NCAPD2: variants seen among roughly 807,000 people sequenced by gnomAD.
The protein encoded by NCAPD2 is non-SMC condensin I complex subunit D2, also known as condensin complex subunit 1.
In NCAPD2, 100 loss-of-function variants were observed where a neutral mutation model predicts 164.5. The ratio of observed to expected loss-of-function variants is 0.61; its 90% confidence interval spans 0.52 to 0.72. The LOEUF (loss-of-function observed/expected upper bound fraction) is 0.72. Ranked by LOEUF, NCAPD2 falls within the 30% of genes least tolerant of loss-of-function variation. NCAPD2 has a pLI of 0.00. For synonymous variants in NCAPD2, 585 were observed against 642.6 expected (o/e 0.91, Z 1.36); for missense variants, 1,560 against 1,749.2 (o/e 0.89, Z 1.93).
At position 6,525,734 on chromosome 12, in the gene NCAPD2, C is replaced by T. The variant is rs1436116697; in HGVS notation, c.2348+18C>T. 1 of 1,611,334 alleles carries T rather than the reference C, an allele frequency of 6.2e-7. No homozygotes were observed. Among genetic ancestry groups the T allele is most frequent in the Admixed American group, 1.7e-5 (1 of 59,888 alleles). ...ATGGCACGGTGAGGCTCAAATCTAGCAGGCAATGGGGTGGGAGAGCAAAGG... is the reference window on the plus strand; with the variant it reads ...ATGGCACGGTGAGGCTCAAATCTAGTAGGCAATGGGGTGGGAGAGCAAAGG... On this transcript the variant is annotated intron_variant, in intron 18 of 31. Transcript: ENST00000315579.
Position 6,510,843 on chromosome 12 carries a change from G to T in NCAPD2, c.444+33G>T, listed in dbSNP as rs987554204. 6 of 1,599,944 alleles carry T rather than the reference G, an allele frequency of 3.8e-6. No individual in the cohort carries two copies. In the African/African-American group the frequency reaches 5.4e-5, roughly 14 times the overall value. On this transcript the variant is annotated intron_variant, in intron 5 of 31. Transcript: ENST00000315579. ...GGAGTTTTGGGCTCACGTTATATGG[G>T]GTCTGGGGAGATAGGGGAATAGATG... is the stretch of plus-strand genomic sequence containing the variant.
At chr12:6,517,099 A>C in intron 10 of NCAPD2, 74 bp downstream of exon 10, 1 of 1,521,508 alleles carries the variant, frequency 6.6e-7, no homozygotes, top group South Asian at 1.1e-5. Context: ...CCAGTGTTGA[A>C]GATAAATATC....
chr12:6,527,909 C>T lies in NCAPD2; in HGVS notation c.3019+21C>T, dbSNP rs745325054. The T allele has an allele frequency of 1.9e-6, 3 of 1,614,012 alleles. 1 individual carries two copies. The highest frequency in any genetic ancestry group is 1.6e-4 in the Middle Eastern group (1 of 6,062). ...GGATGGTAAGAAAAATGGCTGCACT[C>T]AGCAGTTTCTTCCCAATTAAGATAA... On this transcript the variant is annotated intron_variant, in intron 23 of 31. Coordinates refer to ENST00000315579, the MANE Select transcript of NCAPD2 (RefSeq NM_014865.4).
At chr12:6,509,344 C>T (rs1946124780) in intron 2 of NCAPD2, among the ~76,000 whole-genome samples, 1 of 152,158 alleles carries the variant, frequency 6.6e-6, no homozygotes, top group African/African-American at 2.4e-5. Flanking sequence ...TCACTGCAAC[C>T]TCCACCTCTT....
In NCAPD2 at chr12:6,528,576, TGGCAGAGC is replaced by T; in HGVS notation, c.3300-102_3300-95del. ...GACAGCTTTCTGACTGCTTCTGGAG[TGGCAGAGC>T]ATGGGATAATTGATTCCTGCTGAGG... On this transcript the variant is annotated intron_variant, in intron 25 of 31. Transcript: ENST00000315579. This position sits in a 1 kb window ranked among gnomAD's most constrained non-coding sequence, Gnocchi z 5.1. 7.4e-7 allele frequency: 1 copy of T among 1,343,254 alleles called. No individual in the cohort carries two copies. Among genetic ancestry groups the T allele is most frequent in the South Asian group, 1.3e-5 (1 of 75,812 alleles). The allele number at this position is 1,343,254 out of a possible 1,614,324, so 83.2% of individuals were successfully genotyped here.
At chr12:6,510,324 T>C in intron 4 of NCAPD2, 191 bp downstream of exon 4, 1 of 799,174 alleles carries the variant, frequency 1.3e-6, no homozygotes, top group Non-Finnish European at 2.2e-6. Flanking sequence ...GATACAGAGT[T>C]ATGTGTGTTC....
chr12:6,523,371 T>C, intron 17 of NCAPD2, 25 bp downstream of exon 17: 1 of 1,554,768 alleles, frequency 6.4e-7, no homozygotes, highest in Non-Finnish European at 8.8e-7. Context: ...TTTCTCTTTC[T>C]TTATTCATTC....
Position 6,496,059 on chromosome 12 carries a change from C to CTT in NCAPD2, c.127+849_127+850dup, listed in dbSNP as rs11423649. Among the ~76,000 whole-genome samples the CTT allele has an allele frequency of 1.9e-3, 265 of 136,568 alleles. 1 individual carries two copies. Among genetic ancestry groups the CTT allele is most frequent in the Middle Eastern group, 7.4e-3 (2 of 270 alleles). The allele number at this position is 136,568 out of a possible 152,430, so 89.6% of individuals were successfully genotyped here. ...TAGATTGCAACTTCTTTTTGTTTTT[C>CTT]TTTTTTTTTTTTTTTTGAGACAGGG... On this transcript the variant is annotated intron_variant, in intron 2 of 31. Coordinates refer to ENST00000315579, the MANE Select transcript of NCAPD2 (RefSeq NM_014865.4).
intron 2 of NCAPD2, among the ~76,000 whole-genome samples, chr12:6,495,685 GC>G (rs1466485749): frequency 6.6e-6 from 1 of 152,164 alleles, no homozygotes; most frequent in African/African-American, 2.4e-5. Flanking sequence ...TATGTACAGT[GC>G]AGTCACCTAC....
chr12:6,510,622 C>T lies in NCAPD2; in HGVS notation c.263-7C>T. ...TGAAACTGACTCCAAGATTCTGCCCCTCACAGTGGTATCCCGCCACTCCCA... is the reference window on the plus strand; with the variant it reads ...TGAAACTGACTCCAAGATTCTGCCCTTCACAGTGGTATCCCGCCACTCCCA... On this transcript the variant is annotated splice_region_variant and splice_polypyrimidine_tract_variant and intron_variant, in intron 4 of 31. Coordinates refer to ENST00000315579, the MANE Select transcript of NCAPD2 (RefSeq NM_014865.4). The T allele has an allele frequency of 6.2e-7, 1 of 1,614,076 alleles. No individual in the cohort carries two copies. Among genetic ancestry groups the T allele is most frequent in the Non-Finnish European group, 8.5e-7 (1 of 1,179,986 alleles).
chr12:6,525,541 A>C, intron 17 of NCAPD2, 42 bp from the exon 18 acceptor site: 1 of 1,576,074 alleles, frequency 6.3e-7, no homozygotes, highest in Non-Finnish European at 8.6e-7. Context: ...AGATCAAGGA[A>C]TTGTTCATTT....
chr12:6,502,268 A>G (rs1946045522), intron 2 of NCAPD2, among the ~76,000 whole-genome samples: 1 of 152,076 alleles, frequency 6.6e-6, no homozygotes, highest in African/African-American at 2.4e-5. Context: ...GCAGGTAAAT[A>G]TAGAGCTTGG....
chr12:6,504,733 A>G (rs1946083153), intron 2 of NCAPD2, among the ~76,000 whole-genome samples: 1 of 152,084 alleles, frequency 6.6e-6, no homozygotes, highest in Non-Finnish European at 1.5e-5. Context: ...TATTTACTAT[A>G]TTTTTGCAGT....
intron 4 of NCAPD2, 66 bp from the exon 5 acceptor site, chr12:6,510,563 G>A (rs1946137342): frequency 3.9e-6 from 6 of 1,538,338 alleles, no homozygotes; most frequent in South Asian, 2.2e-5. Flanking sequence ...CAAGTGCTGG[G>A]TGTTTTGAAG....
Position 6,495,067 on chromosome 12 carries a change from G to C in NCAPD2, c.-23-9G>C. 1.2e-6 allele frequency: 2 copies of C among 1,612,040 alleles called. No homozygotes were observed. Among genetic ancestry groups the C allele is most frequent in the Non-Finnish European group, 1.7e-6 (2 of 1,179,192 alleles). Reference sequence around the variant, plus strand: ...ATAGACCCTGACTTTTTCACTGTTTGGTTTCTAGCCCTGTGAGCCTGTAGG... The same window carrying C: ...ATAGACCCTGACTTTTTCACTGTTTCGTTTCTAGCCCTGTGAGCCTGTAGG... On this transcript the variant is annotated splice_polypyrimidine_tract_variant and intron_variant, in intron 1 of 31. Coordinates refer to ENST00000315579, the MANE Select transcript of NCAPD2 (RefSeq NM_014865.4).
chr12:6,495,784 A>G (rs1165643512), intron 2 of NCAPD2, among the ~76,000 whole-genome samples: 4 of 152,204 alleles, frequency 2.6e-5, no homozygotes, highest in Non-Finnish European at 5.9e-5. Context: ...GTCTTGTAGC[A>G]GTTAGCTTGC....
At chr12:6,520,365 C>T (rs1230934581) in intron 13 of NCAPD2, among the ~76,000 whole-genome samples, 2 of 151,744 alleles carry the variant, frequency 1.3e-5, no homozygotes, top group Non-Finnish European at 2.9e-5. Flanking sequence ...CCTCAGCTCC[C>T]TCGAGTAGCT....
intron 29 of NCAPD2, among the ~76,000 whole-genome samples, chr12:6,530,190 T>C (rs1221720849): frequency 6.6e-6 from 1 of 152,234 alleles, no homozygotes; most frequent in Non-Finnish European, 1.5e-5. Context: ...GTTTGTTTGT[T>C]TTTAATAGTT....
rs748948514 is a variant in NCAPD2 at position 6,526,569 on chromosome 12, G to A, written c.2688G>A (p.Gln896=). The A allele has an allele frequency of 1.2e-6, 2 of 1,614,046 alleles. No individual in the cohort carries two copies. The highest frequency in any genetic ancestry group is 1.7e-6 in the Non-Finnish European group (2 of 1,180,028). ...AGATATTGCAGGGCTGTGCAAAACA[G>A]GCCCTGGAGAAGCTAGAAGAGAAGA... ...CAQILQGCAK[Q]ALEKLEEKRT... is the part of the protein sequence containing the mutation. Residue 896 remains glutamine (Q), a synonymous_variant, in exon 21 of 32, where the codon CAG becomes CAA. Transcript: ENST00000315579.
Sources: allele counts gnomAD v4.1 joint callset (sites outside exome capture counted in the v4.1 genomes callset), GRCh38; gene constraint gnomAD v4.1.1; non-coding constraint Gnocchi (gnomAD v3.1); transcripts MANE v1.5; gene names NCBI Gene and HGNC (gene_info 2026-07-23, HGNC 2026-07-21).